Variants in MUC5AC observed in about 807,000 individuals in gnomAD.
The protein encoded by MUC5AC is mucin 5AC, oligomeric mucus/gel-forming, also known as mucin-5AC.
In MUC5AC, 158 loss-of-function variants were observed where a neutral mutation model predicts 169.7. That is an observed-to-expected ratio of 0.93 (90% confidence interval 0.82 to 1.06). The LOEUF (loss-of-function observed/expected upper bound fraction) is 1.06. MUC5AC is among the 50% of genes least tolerant of loss of function. The probability of loss-of-function intolerance (pLI) is 0.00; values close to 1 mark genes in which losing one functional copy is unlikely to be tolerated. For missense variants in MUC5AC, 4,359 were observed against 3,089.9 expected, an observed-to-expected ratio of 1.41 and a Z score of -9.74; for synonymous variants, 1,975 against 1,237.0, an observed-to-expected ratio of 1.60 and a Z score of -12.52.
rs1205395301 is a variant in MUC5AC, at chr11:1,158,037, C to T, written c.38C>T (p.Ala13Val). ...VGRRKLALLWALALALACTRH... is the reference protein window; with the variant it reads ...VGRRKLALLWVLALALACTRH... The stretch of plus-strand genomic sequence containing the variant: ...CGGAGGAAGCTGGCCCTGCTCTGGG[C>T]CCTGGCTCTCGCTCTGGCCTGCACC... The change falls in exon 1 of 49, where the codon GCC becomes GTC. Residue 13 changes from alanine (A) to valine (V), a missense_variant. Coordinates refer to ENST00000621226, the MANE Select transcript of MUC5AC (RefSeq NM_001304359.2). The T allele has an allele frequency of 1.9e-6, 3 of 1,607,844 alleles. No individual in the cohort carries two copies. The highest frequency in any genetic ancestry group is 2.2e-5 in the South Asian group (2 of 89,812).
Position 1,182,985 on chromosome 11 carries a change from A to G in MUC5AC, c.4840A>G (p.Thr1614Ala). ...TFQNLRDEGY[T>A]FCESPRSVQC... is the part of the protein sequence containing the mutation. The stretch of plus-strand genomic sequence containing the variant: ...TCAAAATTTGAGAGACGAAGGATAC[A>G]CATTCTGTGAAAGTCCTCGAAGCGT... The change falls in exon 31 of 49, where the codon ACA becomes GCA. Residue 1614 changes from threonine (T) to alanine (A), a missense_variant. Thr to Ala is a moderately conservative substitution (Grantham distance 58). Coordinates refer to ENST00000621226, the MANE Select transcript of MUC5AC (RefSeq NM_001304359.2). 1 of 397,022 alleles carries G rather than the reference A, an allele frequency of 2.5e-6. No homozygotes were observed. The highest frequency in any genetic ancestry group is 4.4e-6 in the Non-Finnish European group (1 of 225,720). 24.6% of individuals were successfully genotyped at this position (397,022 alleles called of 1,614,324 possible).
intron 19 of MUC5AC, among the ~76,000 whole-genome samples, chr11:1,175,646 A>ACACACCCACTCATACACACGCACT (rs1860657038): frequency 2.8e-5 from 4 of 141,728 alleles, no homozygotes; most frequent in Admixed American, 7.1e-5. Flanking sequence ...TGCAACACTC[A>ACACACCCACTCATACACACGCACT]CACACCCACT....
chr11:1,164,656 G>A, intron 9 of MUC5AC, 124 bp downstream of exon 9: 2 of 1,360,530 alleles, frequency 1.5e-6, no homozygotes, highest in Non-Finnish European at 9.7e-7. Context: ...GGCTGACTGA[G>A]GCCCCTGTCC....
chr11:1,170,477 CCACTCACCCACT>C (rs1485256637), intron 15 of MUC5AC, among the ~76,000 whole-genome samples: 72 of 122,342 alleles, frequency 5.9e-4, no homozygotes, highest in African/African-American at 2.3e-3. Flanking sequence ...ACCCATTCAC[CCACTCACCCACT>C]CACTCACCCA....
At position 1,182,284 on chromosome 11, in the gene MUC5AC, C is replaced by T. The variant is rs1171099835; in HGVS notation, c.4139C>T (p.Pro1380Leu). ...CTGCCCACAGCCTCTGCCTCACTGCCGCCGGTCTGTGGGGAAAAGTGCCTG... is the reference window on the plus strand; with the variant it reads ...CTGCCCACAGCCTCTGCCTCACTGCTGCCGGTCTGTGGGGAAAAGTGCCTG... ...TRLPTASASL[P>L]PVCGEKCLWS... Residue 1380 changes from proline to leucine, a missense_variant, in exon 31 of 49, where the codon CCG becomes CTG. Transcript: ENST00000621226. 5.0e-6 allele frequency: 2 copies of T among 398,434 alleles called. No individual in the cohort carries two copies. The highest frequency in any genetic ancestry group is 1.3e-4 in the South Asian group (1 of 7,862). The allele number at this position is 398,434 out of a possible 1,614,324, so 24.7% of individuals were successfully genotyped here.
At chr11:1,165,555 C>T in intron 10 of MUC5AC, 67 bp from the exon 11 acceptor site, 6 of 1,601,244 alleles carry the variant, frequency 3.7e-6, no homozygotes, top group Non-Finnish European at 5.1e-6. Context: ...GGTCAGCCTC[C>T]TGACGCGGAG....
chr11:1,168,912 A>G lies in MUC5AC; in HGVS notation c.1756A>G (p.Ser586Gly). ...CCAGGCCGATGACTTCCGGACCCTC[A>G]GTGGGGTGGTGGAGGCCACCGCTGC... ...SIQADDFRTL[S>G]GVVEATAAAF... is the part of the protein sequence containing the mutation. The change falls in exon 15 of 49, where the codon AGT becomes GGT. Residue 586 changes from serine (S) to glycine (G), a missense_variant. Physicochemically the swap from Ser to Gly is moderately conservative, Grantham distance 56 (BLOSUM62 0). Transcript: ENST00000621226. The G allele has an allele frequency of 1.2e-6, 2 of 1,610,782 alleles. No homozygotes were observed. The highest frequency in any genetic ancestry group is 1.7e-6 in the Non-Finnish European group (2 of 1,178,860).
Position 1,196,042 on chromosome 11 carries a change from G to A in MUC5AC, c.15625G>A (p.Gly5209Ser), listed in dbSNP as rs369783219. 1.7e-4 allele frequency: 131 copies of A among 764,222 alleles called. 3 individuals carry two copies. The highest frequency in any genetic ancestry group is 6.3e-4 in the East Asian group (26 of 41,234). 47.3% of individuals were successfully genotyped at this position (764,222 alleles called of 1,614,324 possible). A position where few individuals can be genotyped will look rare whatever the true frequency, so the allele number is the denominator to read the frequency against. ...CTGCATCGATTGGAGAGGCCGGACC[G>A]GCCACATGTGCCGTGAGTGCCACCA... Reference protein sequence around the residue: ...DICIDWRGRTGHMCPFTCPAD... With the variant: ...DICIDWRGRTSHMCPFTCPAD... Residue 5209 changes from glycine (G) to serine (S), a missense_variant, in exon 37 of 49, where the codon GGC (glycine) becomes AGC (serine). Transcript: ENST00000621226.
rs1332755381 is a variant in MUC5AC, at chr11:1,197,899, G to A, written c.16034-4G>A. On this transcript the variant is annotated splice_polypyrimidine_tract_variant and splice_region_variant and intron_variant, in intron 41 of 48. Transcript: ENST00000621226. ...TCCTAATTGCCTCACTCCCGCCCCC[G>A]CAGCCTGCAACACCAGCCGCTGCCC... The A allele has an allele frequency of 8.4e-6, 6 of 714,618 alleles. No individual in the cohort carries two copies. The highest frequency in any genetic ancestry group is 2.6e-5 in the East Asian group (1 of 38,404). 44.3% of individuals were successfully genotyped at this position (714,618 alleles called of 1,614,324 possible). A position where few individuals can be genotyped will look rare whatever the true frequency, so the allele number is the denominator to read the frequency against.
In MUC5AC at chr11:1,167,754, G is replaced by T. The variant is rs935611998; in HGVS notation, c.1387-123G>T. The T allele has an allele frequency of 8.7e-6, 7 of 800,590 alleles. No individual in the cohort carries two copies. The African/African-American group carries it at 1.0e-4, about 12-fold the overall frequency. The allele number at this position is 800,590 out of a possible 1,614,324, so 49.6% of individuals were successfully genotyped here. A position where few individuals can be genotyped will look rare whatever the true frequency, so the allele number is the denominator to read the frequency against. Reference sequence around the variant, plus strand: ...CCTCCTAGCACACCTCCCTCTCGGGGACTGGGATGGTGGAGTGGGGTTTTC... The same window carrying T: ...CCTCCTAGCACACCTCCCTCTCGGGTACTGGGATGGTGGAGTGGGGTTTTC... On this transcript the variant is annotated intron_variant, in intron 11 of 48. Transcript: ENST00000621226.
chr11:1,177,271 G>T lies in MUC5AC; in HGVS notation c.2834G>T (p.Arg945Leu). The T allele has an allele frequency of 2.3e-6, 1 of 441,796 alleles. No individual in the cohort carries two copies. The highest frequency in any genetic ancestry group is 4.0e-6 in the Non-Finnish European group (1 of 249,080). 27.4% of individuals were successfully genotyped at this position (441,796 alleles called of 1,614,324 possible). ...GGKDSTQDSF[R>L]VVTENVPCGT... ...AAAGACAGCACCCAGGACTCCTTTC[G>T]TGTTGTCACCGAGAACGTCCCCTGC... Residue 945 changes from arginine (R) to leucine (L), a missense_variant, in exon 23 of 49, where the codon CGT (arginine) becomes CTT (leucine). Arg to Leu is a moderately radical substitution (Grantham distance 102). Transcript: ENST00000621226.
chr11:1,194,813 T>TA (rs1347162822), intron 35 of MUC5AC, 143 bp downstream of exon 35: 1 of 610,346 alleles, frequency 1.6e-6, no homozygotes, highest in Non-Finnish European at 2.9e-6. Context: ...GCATGAGGCT[T>TA]ACGCCTGCCG....
chr11:1,186,779 T>C lies in MUC5AC; in HGVS notation c.8634T>C (p.Ser2878=). 2.7e-6 allele frequency: 2 copies of C among 742,332 alleles called. No homozygotes were observed. Among genetic ancestry groups the C allele is most frequent in the Non-Finnish European group, 4.9e-6 (2 of 406,752 alleles). 46.0% of individuals were successfully genotyped at this position (742,332 alleles called of 1,614,324 possible). Residue 2878 remains serine (S), a synonymous_variant, in exon 31 of 49, where the codon TCT becomes TCC. Coordinates refer to ENST00000621226, the MANE Select transcript of MUC5AC (RefSeq NM_001304359.2). ...TTSTATTSTT[S]GPGTTPSPVP... ...CCACTGCTACAACCAGCACAACCTC[T>C]GGCCCTGGAACTACTCCCAGCCCTG...
rs1047593596 is a variant in MUC5AC at position 1,171,954 on chromosome 11, C to T, written c.1871-475C>T. ...ACTCATCCACTCATTCACTCACTCA[C>T]TCACTCACTCACTCACTCACTCACT... On this transcript the variant is annotated intron_variant, in intron 15 of 48. Transcript: ENST00000621226. Among the ~76,000 whole-genome samples the T allele has an allele frequency of 2.1e-3, 272 of 128,498 alleles. 3 individuals are homozygous for T. The highest frequency in any genetic ancestry group is 0.013 in the Admixed American group (173 of 12,866). The allele number at this position is 128,498 out of a possible 152,430, so 84.3% of individuals were successfully genotyped here.
Position 1,190,026 on chromosome 11 carries a change from A to G in MUC5AC, c.11881A>G (p.Lys3961Glu). ...RDCHPRCTWT[K>E]WFDVDFPSPG... ...CTGTCATCCCCGGTGCACCTGGACC[A>G]AGTGGTTTGACGTGGACTTTCCATC... The change falls in exon 31 of 49, where the codon AAG becomes GAG. Residue 3961 changes from lysine (K) to glutamate (E), a missense_variant. Physicochemically the swap from Lys to Glu is moderately conservative, Grantham distance 56. Transcript: ENST00000621226. 1 of 765,156 alleles carries G rather than the reference A, an allele frequency of 1.3e-6. No homozygotes were observed. Among genetic ancestry groups the G allele is most frequent in the South Asian group, 1.3e-5 (1 of 74,624 alleles). 47.4% of individuals were successfully genotyped at this position (765,156 alleles called of 1,614,324 possible). A position where few individuals can be genotyped will look rare whatever the true frequency, so the allele number is the denominator to read the frequency against.
chr11:1,162,294 G>A, intron 4 of MUC5AC, 126 bp downstream of exon 4: 1 of 1,414,342 alleles, frequency 7.1e-7, no homozygotes, highest in Non-Finnish European at 9.4e-7. Flanking sequence ...AGCAGAGCTG[G>A]ACATGGGCCC....
In MUC5AC at chr11:1,197,469, TG is replaced by T; in HGVS notation, c.15866del (p.Gly5289AlafsTer20). 1.4e-6 allele frequency: 1 copy of T among 710,532 alleles called. No individual in the cohort carries two copies. The highest frequency in any genetic ancestry group is 2.6e-6 in the Non-Finnish European group (1 of 390,888). 44.0% of individuals were successfully genotyped at this position (710,532 alleles called of 1,614,324 possible). On this transcript the variant is annotated frameshift_variant and splice_region_variant, in exon 41 of 49. Transcript: ENST00000621226. LOFTEE classifies it high-confidence loss of function. ...CLGPHGEPVK[V>X]GHTVGMDCQE... is the part of the protein sequence containing the mutation. ...GGACCTCAGTCCCCTTCCTTGCAGG[TG>T]GGCCACACCGTCGGCATGGACTGCC...
intron 19 of MUC5AC, among the ~76,000 whole-genome samples, chr11:1,175,528 CAT>C (rs1202805596): frequency 6.7e-6 from 1 of 148,910 alleles, no homozygotes; most frequent in African/African-American, 2.5e-5. Flanking sequence ...CACGCCCACT[CAT>C]GCACACACAC....
intron 30 of MUC5AC, 114 bp from the exon 31 acceptor site, chr11:1,182,041 C>G (rs954555467): frequency 4.0e-5 from 16 of 398,248 alleles, no homozygotes; most frequent in African/African-American, 2.9e-4. Flanking sequence ...CGGGTGGGGA[C>G]AGGAAGACAG....
Sources: allele counts gnomAD v4.1 joint callset (sites outside exome capture counted in the v4.1 genomes callset), GRCh38; gene constraint gnomAD v4.1.1; transcripts MANE v1.5; gene names NCBI Gene and HGNC (gene_info 2026-07-23, HGNC 2026-07-21).